RBFOX1: variants seen among roughly 807,000 people sequenced by gnomAD.
The protein encoded by RBFOX1 is RNA binding protein fox-1 homolog 1.
In RBFOX1, 8 loss-of-function variants were observed where a neutral mutation model predicts 57.7. The ratio of observed to expected loss-of-function variants is 0.14; its 90% CI spans 0.08 to 0.25. The LOEUF is 0.25. Ranked by LOEUF, RBFOX1 falls within the 10% of genes least tolerant of loss-of-function variation. The pLI is 1.00. For missense variants in RBFOX1, 611 were observed against 548.5 expected, an observed-to-expected ratio of 1.11 and a Z score of -1.14; for synonymous variants, 326 against 222.4, an observed-to-expected ratio of 1.47 and a Z score of -4.15.
chr16:6,504,763 A>G (rs564558408), intron 2 of RBFOX1, among the ~76,000 whole-genome samples: 43 of 152,270 alleles, frequency 2.8e-4, no homozygotes, highest in African/African-American at 1.0e-3. Flanking sequence ...TCTATTTAAA[A>G]AACAAAGTCT....
At chr16:7,358,276 C>A (rs537897306) in intron 4 of RBFOX1, among the ~76,000 whole-genome samples, 1 of 152,152 alleles carries the variant, frequency 6.6e-6, no homozygotes, top group Non-Finnish European at 1.5e-5. Context: ...AAGAGGGTGG[C>A]CGTGCCACCG....
intron 3 of RBFOX1, among the ~76,000 whole-genome samples, chr16:5,783,918 G>A (rs1187831850): frequency 6.6e-6 from 1 of 152,102 alleles, no homozygotes; most frequent in African/African-American, 2.4e-5. Context: ...ATTCATACAT[G>A]GAAATCCTAG....
chr16:7,216,215 C>G (rs1332164032), intron 4 of RBFOX1, among the ~76,000 whole-genome samples: 1 of 152,150 alleles, frequency 6.6e-6, no homozygotes, highest in Non-Finnish European at 1.5e-5. Context: ...CACTTATTGG[C>G]TATTGTGAAT....
chr16:7,635,972 G>C (rs577303646), intron 11 of RBFOX1, among the ~76,000 whole-genome samples: 3 of 151,996 alleles, frequency 2.0e-5, no homozygotes, highest in Non-Finnish European at 4.4e-5. Flanking sequence ...CACCATGCCC[G>C]GCTAATTTCT....
In RBFOX1 at chr16:5,941,580, A is replaced by G. The variant is rs187126937; in HGVS notation, c.351+74245A>G. On this transcript the variant is annotated intron_variant, in intron 4 of 19. Coordinates refer to the RBFOX1 transcript ENST00000641259. ...AGCAGAAATTGTGCTTACTTTGCAC[A>G]TAAGTATTTCCAGTAAAATACCTGG... Among the ~76,000 whole-genome samples, 55 of 152,338 alleles carry G rather than the reference A, an allele frequency of 3.6e-4. No homozygotes were observed. The East Asian group carries it at 8.9e-3, about 25-fold the overall frequency.
chr16:6,763,832 C>G (rs916928004), intron 3 of RBFOX1, among the ~76,000 whole-genome samples: 1 of 152,168 alleles, frequency 6.6e-6, no homozygotes, highest in East Asian at 1.9e-4. Flanking sequence ...TTTGTTGTAA[C>G]TTTTGAAGAT....
intron 4 of RBFOX1, among the ~76,000 whole-genome samples, chr16:7,202,835 A>G (rs1347264408): frequency 6.6e-6 from 1 of 152,204 alleles, no homozygotes; most frequent in Non-Finnish European, 1.5e-5. Context: ...TATCTTCCAC[A>G]AAACTGGTCC....
chr16:7,299,483 C>G (rs2095978888), intron 4 of RBFOX1, among the ~76,000 whole-genome samples: 1 of 152,194 alleles, frequency 6.6e-6, no homozygotes, highest in African/African-American at 2.4e-5. Context: ...AGGCTCTAAT[C>G]TCGATCCTGT....
At chr16:5,366,388 A>G in intron 1 of RBFOX1, 1 of 421,072 alleles carries the variant, frequency 2.4e-6, no homozygotes, top group South Asian at 1.9e-5. Context: ...CAGTGAAGAA[A>G]TATATATGAG....
At chr16:6,424,974 G>T (rs1462499584) in intron 2 of RBFOX1, among the ~76,000 whole-genome samples, 1 of 151,992 alleles carries the variant, frequency 6.6e-6, no homozygotes, top group Admixed American at 6.6e-5. Flanking sequence ...CAGAATACAG[G>T]AAAAAATACT....
At chr16:6,506,375 C>T (rs1160393367) in intron 2 of RBFOX1, among the ~76,000 whole-genome samples, 1 of 152,010 alleles carries the variant, frequency 6.6e-6, no homozygotes, top group Non-Finnish European at 1.5e-5. Context: ...GTATTGAAAA[C>T]AGCTTGGGTG....
chr16:6,287,121 T>C (rs2076980077), intron 1 of RBFOX1, among the ~76,000 whole-genome samples: 1 of 152,062 alleles, frequency 6.6e-6, no homozygotes, highest in Non-Finnish European at 1.5e-5. Flanking sequence ...CACCCAAGGG[T>C]ATTCAGAGTC....
chr16:5,888,792 A>G (rs549544431), intron 4 of RBFOX1, among the ~76,000 whole-genome samples: 2 of 76,274 alleles, frequency 2.6e-5, no homozygotes, highest in Non-Finnish European at 5.4e-5. Context: ...AGCGAAACTC[A>G]GTCTAAAAAA....
At chr16:6,739,817 C>T (rs541541477) in intron 3 of RBFOX1, among the ~76,000 whole-genome samples, 1 of 152,212 alleles carries the variant, frequency 6.6e-6, no homozygotes, top group Non-Finnish European at 1.5e-5. Flanking sequence ...GCAGAGGTTG[C>T]AGTGAGCCAA....
At chr16:7,326,443 T>A (rs1484541449) in intron 4 of RBFOX1, among the ~76,000 whole-genome samples, 1 of 152,006 alleles carries the variant, frequency 6.6e-6, no homozygotes, top group Non-Finnish European at 1.5e-5. Context: ...AACAGCAACA[T>A]CTGTATGGGG....
At chr16:5,401,585 A>G (rs4786683) in intron 1 of RBFOX1, among the ~76,000 whole-genome samples, 20,581 of 152,234 alleles carry the variant, frequency 0.14, 1,579 homozygotes, top group Non-Finnish European at 0.16. Flanking sequence ...TCCCCTAAAA[A>G]TGATTCAAAT....
intron 2 of RBFOX1, among the ~76,000 whole-genome samples, chr16:6,475,254 G>T (rs2095254948): frequency 6.6e-6 from 1 of 152,134 alleles, no homozygotes; most frequent in East Asian, 1.9e-4. Flanking sequence ...AATGTTGGTT[G>T]TAATACTATT....
chr16:7,219,555 T>C lies in RBFOX1; in HGVS notation c.27+167457T>C, dbSNP rs188978984. 7.9e-5 allele frequency among the ~76,000 whole-genome samples: 12 copies of C among 152,344 alleles called. No homozygotes were observed. The East Asian group carries it at 2.1e-3, about 27-fold the overall frequency. ...GAGGAAACAAATATGACAGACTTGC[T>C]ATTTTGTAGTGCCCAGAAAATATGA... is the stretch of plus-strand genomic sequence containing the variant. On this transcript the variant is annotated intron_variant, in intron 4 of 15. Transcript: ENST00000550418.
At chr16:6,924,418 C>G (rs1273340975) in intron 3 of RBFOX1, among the ~76,000 whole-genome samples, 5 of 151,868 alleles carry the variant, frequency 3.3e-5, no homozygotes, top group South Asian at 2.1e-4. Flanking sequence ...CTCGTGTGAA[C>G]TAACAGAGTG....
Sources: allele counts gnomAD v4.1 joint callset (sites outside exome capture counted in the v4.1 genomes callset), GRCh38; gene constraint gnomAD v4.1.1; transcripts MANE v1.5; gene names NCBI Gene and HGNC (gene_info 2026-07-23, HGNC 2026-07-21).